The following STXBP6 variants were observed in gnomAD, a reference collection of about 807,000 sequenced individuals.
STXBP6 encodes syntaxin binding protein 6, also known as syntaxin-binding protein 6.
STXBP6 carries 21 observed loss-of-function variants against 26.9 expected under a neutral mutation model. The ratio of observed to expected loss-of-function variants is 0.78; its 90% CI spans 0.55 to 1.12. STXBP6 has a LOEUF of 1.12. STXBP6 is among the 50% of genes most tolerant of loss of function. The pLI, the probability that STXBP6 is intolerant of heterozygous loss-of-function variation, is 0.00. For synonymous variants in STXBP6, 97 were observed against 92.6 expected (o/e 1.05, Z -0.27); for missense variants, 232 against 257.9 (o/e 0.90, Z 0.69).
chr14:25,002,503 G>A (rs989895344), intron 1 of STXBP6, among the ~76,000 whole-genome samples: 5 of 151,892 alleles, frequency 3.3e-5, no homozygotes, highest in African/African-American at 9.7e-5. Context: ...GGGACTATAG[G>A]CACGTGCCAC....
intron 2 of STXBP6, among the ~76,000 whole-genome samples, chr14:24,901,888 T>C (rs1007945025): frequency 6.6e-6 from 1 of 152,192 alleles, no homozygotes. Flanking sequence ...ATAAAAGAGG[T>C]TCCTGGGATG....
At chr14:24,940,360 G>C (rs902628042) in intron 2 of STXBP6, among the ~76,000 whole-genome samples, 2 of 152,180 alleles carry the variant, frequency 1.3e-5, no homozygotes, top group East Asian at 3.8e-4. Context: ...CAAGAATTGT[G>C]ACTATACAAA....
chr14:24,935,698 G>C (rs2072570301), intron 2 of STXBP6, among the ~76,000 whole-genome samples: 1 of 152,128 alleles, frequency 6.6e-6, no homozygotes, highest in Admixed American at 6.5e-5. Flanking sequence ...GAACACACTT[G>C]TTATTTCAGA....
At chr14:24,884,659 C>G (rs979968992) in intron 2 of STXBP6, among the ~76,000 whole-genome samples, 7 of 152,158 alleles carry the variant, frequency 4.6e-5, no homozygotes, top group Non-Finnish European at 5.9e-5. Context: ...TGACTTTGCA[C>G]CAAAGTAGTT....
chr14:24,992,640 T>C (rs936142457), intron 1 of STXBP6, among the ~76,000 whole-genome samples: 7 of 152,274 alleles, frequency 4.6e-5, no homozygotes, highest in Middle Eastern at 3.4e-3. Context: ...ATTTTGTTTA[T>C]AAAAACAAGT....
At chr14:24,835,997 G>A (rs1395914854) in intron 4 of STXBP6, among the ~76,000 whole-genome samples, 1 of 152,198 alleles carries the variant, frequency 6.6e-6, no homozygotes, top group Admixed American at 6.5e-5. Context: ...TGACTATTAG[G>A]GGGACCAGAA....
In STXBP6 at chr14:24,974,683, T is replaced by C; in HGVS notation, c.136A>G (p.Thr46Ala). The C allele has an allele frequency of 6.4e-7, 1 of 1,553,600 alleles. No individual in the cohort carries two copies. The highest frequency in any genetic ancestry group is 1.2e-5 in the South Asian group (1 of 84,168). Residue 46 changes from threonine to alanine, a missense_variant, in exon 2 of 6, where the codon ACT (threonine) becomes GCT (alanine). Thr to Ala is a moderately conservative substitution (Grantham distance 58). Transcript: ENST00000323944. ...TCATTACCTGACAGGCAGATATAAG[T>C]TAAATATTCGCCTTGACCTCCAGTT... Reference protein sequence around the residue: ...LATGGQGEYLTYICLSVTNKK... With the variant: ...LATGGQGEYLAYICLSVTNKK...
intron 1 of STXBP6, among the ~76,000 whole-genome samples, chr14:25,005,154 T>A (rs1044336724): frequency 2.0e-5 from 3 of 152,224 alleles, no homozygotes; most frequent in African/African-American, 7.2e-5. Flanking sequence ...GACATTTATT[T>A]ACCTTTTTAA....
intron 2 of STXBP6, among the ~76,000 whole-genome samples, chr14:24,888,033 G>A (rs757814868): frequency 7.2e-4 from 110 of 152,128 alleles, no homozygotes; most frequent in Non-Finnish European, 4.7e-4. Context: ...AATTAATCAC[G>A]TGATGATAAG....
intron 2 of STXBP6, among the ~76,000 whole-genome samples, chr14:24,870,013 T>C (rs866455495): frequency 5.3e-5 from 8 of 152,176 alleles, no homozygotes; most frequent in African/African-American, 1.9e-4. Context: ...AAGGGCATTA[T>C]ATTAAAATTG....
intron 5 of STXBP6, chr14:24,818,023 C>T: frequency 2.2e-6 from 1 of 456,606 alleles, no homozygotes; most frequent in East Asian, 6.9e-5. Flanking sequence ...ATATTCTTCT[C>T]ATTGCTTTTT....
intron 2 of STXBP6, among the ~76,000 whole-genome samples, chr14:24,931,028 G>A (rs1285806039): frequency 5.1e-5 from 7 of 138,468 alleles, no homozygotes; most frequent in South Asian, 2.5e-4. Flanking sequence ...GGAGAATGGC[G>A]TGAACCCGGG....
intron 2 of STXBP6, among the ~76,000 whole-genome samples, chr14:24,894,079 T>C (rs994607141): frequency 3.9e-5 from 6 of 152,230 alleles, no homozygotes; most frequent in Non-Finnish European, 7.3e-5. Flanking sequence ...TTAGGGAATT[T>C]GAACATGGTT....
intron 2 of STXBP6, among the ~76,000 whole-genome samples, chr14:24,921,109 T>G (rs2071962210): frequency 6.6e-6 from 1 of 152,178 alleles, no homozygotes; most frequent in Non-Finnish European, 1.5e-5. Flanking sequence ...TTGTATAATC[T>G]GTTAAAGTCT....
intron 4 of STXBP6, among the ~76,000 whole-genome samples, chr14:24,824,291 G>A (rs1175888446): frequency 6.6e-6 from 1 of 152,152 alleles, no homozygotes; most frequent in South Asian, 2.1e-4. Context: ...TTCCTGTGAT[G>A]AGTGGCTCTA....
intron 4 of STXBP6, among the ~76,000 whole-genome samples, chr14:24,831,170 A>G (rs896720716): frequency 2.6e-5 from 4 of 152,200 alleles, no homozygotes; most frequent in African/African-American, 9.6e-5. Flanking sequence ...CTTAGTTATG[A>G]TACCTAAAGT....
chr14:24,881,934 C>A (rs747708814), intron 2 of STXBP6, among the ~76,000 whole-genome samples: 1 of 152,166 alleles, frequency 6.6e-6, no homozygotes, highest in Non-Finnish European at 1.5e-5. Context: ...CAGTGGCCTA[C>A]AGACTGGGAG....
At chr14:24,896,225 C>T (rs1020782450) in intron 2 of STXBP6, among the ~76,000 whole-genome samples, 1 of 152,074 alleles carries the variant, frequency 6.6e-6, no homozygotes, top group Non-Finnish European at 1.5e-5. Context: ...GGCACTTAGC[C>T]ATTTTTGCAC....
chr14:24,886,776 T>A (rs1193926243), intron 2 of STXBP6, among the ~76,000 whole-genome samples: 1 of 152,208 alleles, frequency 6.6e-6, no homozygotes, highest in Non-Finnish European at 1.5e-5. Flanking sequence ...CTTAGAATTT[T>A]AAAAAACACC....
Sources: allele counts gnomAD v4.1 joint callset (sites outside exome capture counted in the v4.1 genomes callset), GRCh38; gene constraint gnomAD v4.1.1; transcripts MANE v1.5; gene names NCBI Gene and HGNC (gene_info 2026-07-23, HGNC 2026-07-21).